The following SCGN variants were observed in gnomAD, a reference collection of about 807,000 sequenced individuals.
SCGN encodes the protein secretagogin, EF-hand calcium binding protein, also known as secretagogin.
Under a neutral mutation model 39.7 loss-of-function variants are expected in SCGN, and 30 were observed. The ratio of observed to expected loss-of-function variants is 0.76; its 90% CI spans 0.57 to 1.03. The LOEUF is 1.03. SCGN is among the 50% of genes least tolerant of loss of function. The pLI is 0.00. For missense variants in SCGN, 353 were observed against 349.4 expected (o/e 1.01, Z -0.08); for synonymous variants, 106 against 114.1 (o/e 0.93, Z 0.45).
chr6:25,674,934 T>C (rs1387330606), intron 6 of SCGN, among the ~76,000 whole-genome samples: 3 of 152,228 alleles, frequency 2.0e-5, no homozygotes, highest in African/African-American at 4.8e-5. Context: ...AGCTAATAAT[T>C]CTGGCTGATG....
chr6:25,652,313 A>T lies in SCGN; in HGVS notation c.-91A>T. 1 of 966,450 alleles carries T rather than the reference A, an allele frequency of 1.0e-6. No individual in the cohort carries two copies. Among genetic ancestry groups the T allele is most frequent in the Non-Finnish European group, 1.7e-6 (1 of 602,230 alleles). 59.9% of individuals were successfully genotyped at this position (966,450 alleles called of 1,614,324 possible). On this transcript the variant is annotated 5_prime_UTR_variant, in exon 1 of 11. Transcript: ENST00000377961. ...AAGCTAATCAGATAGCGAAAGAAGC[A>T]GGAGAGCAAGTCAAGAAATACGGTG...
At chr6:25,666,170 T>A (rs1250518398) in intron 4 of SCGN, among the ~76,000 whole-genome samples, 2 of 114,604 alleles carry the variant, frequency 1.7e-5, no homozygotes. Context: ...TGAAACCCCA[T>A]CTCTACTAAA....
chr6:25,658,003 C>CTTTTT lies in SCGN; in HGVS notation c.154-3499_154-3495dup, dbSNP rs759915721. ...GTGTGTGTTCATTTAGAAAGGTATC[C>CTTTTT]TTTTTTTTTTTTTTTTTTTTTTTTT... is the stretch of plus-strand genomic sequence containing the variant. On this transcript the variant is annotated intron_variant, in intron 2 of 10. Coordinates refer to ENST00000377961, the MANE Select transcript of SCGN (RefSeq NM_006998.4). Among the ~76,000 whole-genome samples the CTTTTT allele has an allele frequency of 4.3e-4, 30 of 70,378 alleles. 2 individuals carry two copies. Among genetic ancestry groups the CTTTTT allele is most frequent in the Non-Finnish European group, 6.9e-4 (25 of 36,484 alleles). The allele number at this position is 70,378 out of a possible 152,430, so 46.2% of individuals were successfully genotyped here.
At chr6:25,655,079 G>C (rs1760204023) in intron 2 of SCGN, among the ~76,000 whole-genome samples, 1 of 152,220 alleles carries the variant, frequency 6.6e-6, no homozygotes, top group Non-Finnish European at 1.5e-5. Context: ...ATCTGTAAAT[G>C]TAAGGTTCAT....
Position 25,652,644 on chromosome 6 carries a change from T to C in SCGN, c.82+159T>C, listed in dbSNP as rs148709112. Among the ~76,000 whole-genome samples, 115 of 152,330 alleles carry C rather than the reference T, an allele frequency of 7.5e-4. 1 individual carries two copies. Among genetic ancestry groups the C allele is most frequent in the East Asian group, 2.5e-3 (13 of 5,182 alleles). On this transcript the variant is annotated intron_variant, in intron 1 of 10. Coordinates refer to ENST00000377961, the MANE Select transcript of SCGN (RefSeq NM_006998.4). The stretch of plus-strand genomic sequence containing the variant: ...CAGTATCATTAACAGACGTTTGGCA[T>C]ACTGGTGATACACATCTATATACCT...
chr6:25,675,503 A>G (rs747816091), intron 6 of SCGN, among the ~76,000 whole-genome samples: 1 of 152,270 alleles, frequency 6.6e-6, no homozygotes, highest in Admixed American at 6.5e-5. Flanking sequence ...TAAAGTGTAT[A>G]TAAAAGTCAA....
chr6:25,692,749 C>T (rs546969676), intron 10 of SCGN, among the ~76,000 whole-genome samples: 2 of 152,286 alleles, frequency 1.3e-5, no homozygotes, highest in Admixed American at 6.5e-5. Context: ...CAGAATACAT[C>T]CGATTTACAG....
In SCGN at chr6:25,662,560, T is replaced by C. The variant is rs142211541; in HGVS notation, c.246+916T>C. On this transcript the variant is annotated intron_variant, in intron 3 of 10. Transcript: ENST00000377961. ...GTCTCTTGATGCTGTGACACTGCCA[T>C]ATTTGAGCAGTCAATATTATTGAAG... is the stretch of plus-strand genomic sequence containing the variant. Among the ~76,000 whole-genome samples the C allele has an allele frequency of 3.2e-3, 488 of 152,336 alleles. 7 individuals carry two copies. Among genetic ancestry groups the C allele is most frequent in the Admixed American group, 0.026 (392 of 15,294 alleles).
In SCGN at chr6:25,681,943, C is replaced by T; in HGVS notation, c.472-8C>T. On this transcript the variant is annotated splice_polypyrimidine_tract_variant and splice_region_variant and intron_variant, in intron 6 of 10. Transcript: ENST00000377961. ...ACAAGTACAACCATTTTCCCTTCTG[C>T]ATTTCAGATGAAGATTTTTGACAGA... The T allele has an allele frequency of 6.2e-7, 1 of 1,610,866 alleles. No homozygotes were observed. The highest frequency in any genetic ancestry group is 8.5e-7 in the Non-Finnish European group (1 of 1,177,058).
rs149390624 is a variant in SCGN at position 25,698,979 on chromosome 6, G to A, written c.703-2228G>A. 3.3e-5 allele frequency among the ~76,000 whole-genome samples: 5 copies of A among 152,218 alleles called. No homozygotes were observed. The East Asian group carries it at 9.7e-4, about 29-fold the overall frequency. On this transcript the variant is annotated intron_variant, in intron 10 of 10. Coordinates refer to ENST00000377961, the MANE Select transcript of SCGN (RefSeq NM_006998.4). The stretch of plus-strand genomic sequence containing the variant: ...ACAGTGCAAATTAACGAGTCTTAAC[G>A]TGGCTTGGCTAGTTAAGGAACAATT...
chr6:25,679,922 C>A (rs1759616763), intron 6 of SCGN, among the ~76,000 whole-genome samples: 1 of 152,178 alleles, frequency 6.6e-6, no homozygotes, highest in African/African-American at 2.4e-5. Flanking sequence ...GATATCCAGA[C>A]TTTATAGAGC....
At chr6:25,694,679 T>C (rs182146896) in intron 10 of SCGN, among the ~76,000 whole-genome samples, 4 of 152,372 alleles carry the variant, frequency 2.6e-5, no homozygotes, top group Admixed American at 2.0e-4. Context: ...ATTATTAATG[T>C]TCTCCTCCGA....
At chr6:25,668,978 G>A (rs1759447770) in intron 4 of SCGN, among the ~76,000 whole-genome samples, 1 of 152,056 alleles carries the variant, frequency 6.6e-6, no homozygotes, top group South Asian at 2.1e-4. Flanking sequence ...AGGCGTGGTG[G>A]TGGGTGCCTG....
At chr6:25,658,403 T>A (rs1408510638) in intron 2 of SCGN, among the ~76,000 whole-genome samples, 1 of 151,978 alleles carries the variant, frequency 6.6e-6, no homozygotes, top group Non-Finnish European at 1.5e-5. Context: ...CATATGAGTA[T>A]GTTTGGTTGA....
Position 25,652,372 on chromosome 6 carries a change from C to T in SCGN, c.-32C>T. The T allele has an allele frequency of 1.2e-6, 2 of 1,601,578 alleles. No individual in the cohort carries two copies. Among genetic ancestry groups the T allele is most frequent in the East Asian group, 2.2e-5 (1 of 44,820 alleles). On this transcript the variant is annotated 5_prime_UTR_variant, in exon 1 of 11. Coordinates refer to ENST00000377961, the MANE Select transcript of SCGN (RefSeq NM_006998.4). ...CTTCCCAAAGTTGTCTAGGTCCTTC[C>T]GCGCCGGTGCCTGGTCTTCGTCGTC...
chr6:25,672,780 G>A (rs1759518044), intron 6 of SCGN, among the ~76,000 whole-genome samples: 1 of 152,354 alleles, frequency 6.6e-6, no homozygotes, highest in African/African-American at 2.4e-5. Context: ...TATGGAATCA[G>A]GAAGATCTGC....
At chr6:25,689,728 A>G (rs557954306) in intron 9 of SCGN, among the ~76,000 whole-genome samples, 196 bp downstream of exon 9, 1 of 152,226 alleles carries the variant, frequency 6.6e-6, no homozygotes, top group Non-Finnish European at 1.5e-5. Context: ...AGGAGTACAC[A>G]TGGTTGAGAA....
At chr6:25,700,013 A>G (rs1759889525) in intron 10 of SCGN, among the ~76,000 whole-genome samples, 1 of 152,150 alleles carries the variant, frequency 6.6e-6, no homozygotes, top group African/African-American at 2.4e-5. Flanking sequence ...TGGGAGGCCA[A>G]GGTGGGCGGA....
chr6:25,657,172 C>T (rs949687424), intron 2 of SCGN, among the ~76,000 whole-genome samples: 3 of 152,132 alleles, frequency 2.0e-5, no homozygotes, highest in Admixed American at 6.5e-5. Flanking sequence ...ACCTGGTTGA[C>T]AGAAGAACCT....
Sources: gnomAD v4.1 joint callset for allele counts (sites outside exome capture counted in the v4.1 genomes callset) on GRCh38, gnomAD v4.1.1 for gene constraint, MANE v1.5 for transcripts, NCBI Gene and HGNC (gene_info 2026-07-23, HGNC 2026-07-21) for gene names.